The following PRKCQ variants were observed in gnomAD, a reference collection of about 807,000 sequenced individuals.
The protein encoded by PRKCQ is protein kinase C theta.
In PRKCQ, 41 loss-of-function variants were observed where a neutral mutation model predicts 91.2. That is an observed-to-expected ratio of 0.45 (90% CI 0.35 to 0.58). PRKCQ has a LOEUF of 0.58. PRKCQ is among the 20% of genes least tolerant of loss of function. PRKCQ has a pLI of 0.00. For synonymous variants in PRKCQ, 307 were observed against 316.9 expected, an observed-to-expected ratio of 0.97 and a Z score of 0.33; for missense variants, 673 against 896.5, an observed-to-expected ratio of 0.75 and a Z score of 3.18.
At position 6,498,295 on chromosome 10, in the gene PRKCQ, C is replaced by G. The variant is rs563533481; in HGVS notation, c.542+101G>C. The G allele has an allele frequency of 3.9e-5, 56 of 1,441,876 alleles. No homozygotes were observed. In the South Asian group the frequency reaches 6.4e-4, roughly 17 times the overall value. 89.3% of individuals were successfully genotyped at this position (1,441,876 alleles called of 1,614,324 possible). ...TGACAACGCTGAGGTAGCATTTACT[C>G]CAGCACACCCCCCACAGTGGAGCAT... On this transcript the variant is annotated intron_variant, in intron 5 of 17. Transcript: ENST00000263125.
At chr10:6,534,992 G>T (rs1452822824) in intron 1 of PRKCQ, among the ~76,000 whole-genome samples, 2 of 152,094 alleles carry the variant, frequency 1.3e-5, no homozygotes, top group African/African-American at 4.8e-5. Flanking sequence ...TATTCGGTTT[G>T]AAGTCCTAAC....
the PRKCQ span, among the ~76,000 whole-genome samples, chr10:6,414,863 T>C: frequency 2.0e-5 from 3 of 151,250 alleles, no homozygotes; most frequent in African/African-American, 7.3e-5. Context: ...GCCAAATATA[T>C]ATGCAATTGG....
chr10:6,579,318 G>C (rs1841361651), intron 1 of PRKCQ, among the ~76,000 whole-genome samples: 1 of 152,078 alleles, frequency 6.6e-6, no homozygotes, highest in African/African-American at 2.4e-5. Flanking sequence ...GTCCCCCTCA[G>C]CCTGTGCCAC....
intron 12 of PRKCQ, among the ~76,000 whole-genome samples, chr10:6,467,981 A>T (rs932228970): frequency 1.3e-5 from 2 of 152,182 alleles, no homozygotes; most frequent in African/African-American, 4.8e-5. Context: ...CTGAGGCTGG[A>T]GGTTCACTTG....
At chr10:6,416,727 C>G in the PRKCQ span, among the ~76,000 whole-genome samples, 3 of 152,154 alleles carry the variant, frequency 2.0e-5, no homozygotes, top group African/African-American at 7.2e-5. Context: ...TGGGTACACA[C>G]CCAGTAGTGG....
At chr10:6,428,457 T>A in intron 17 of PRKCQ, 95 bp from the exon 18 acceptor site, 1 of 1,389,958 alleles carries the variant, frequency 7.2e-7, no homozygotes, top group Non-Finnish European at 9.8e-7. Context: ...GATCTGCGTA[T>A]GGCAAAGTTG....
intron 1 of PRKCQ, among the ~76,000 whole-genome samples, chr10:6,537,093 G>GT (rs1564380472): frequency 2.0e-5 from 3 of 152,222 alleles, no homozygotes; most frequent in Admixed American, 2.0e-4. Context: ...AGTGTGGCTG[G>GT]TGGGGATGCA....
At chr10:6,399,823 A>G in the PRKCQ span, among the ~76,000 whole-genome samples, 1 of 151,680 alleles carries the variant, frequency 6.6e-6, no homozygotes. Flanking sequence ...TGTGGCCTCC[A>G]TTCCTACAGG....
At chr10:6,534,026 C>T (rs372466011) in intron 1 of PRKCQ, among the ~76,000 whole-genome samples, 1 of 152,256 alleles carries the variant, frequency 6.6e-6, no homozygotes, top group East Asian at 1.9e-4. Context: ...TTACATAAAA[C>T]TTGTGTGTTA....
At position 6,476,093 on chromosome 10, in the gene PRKCQ, T is replaced by A. The variant is rs539680283; in HGVS notation, c.1353+2899A>T. Among the ~76,000 whole-genome samples, 14 of 152,302 alleles carry A rather than the reference T, an allele frequency of 9.2e-5. No individual in the cohort carries two copies. The East Asian group carries it at 2.7e-3, about 29-fold the overall frequency. On this transcript the variant is annotated intron_variant, in intron 12 of 17. Coordinates refer to ENST00000263125, the MANE Select transcript of PRKCQ (RefSeq NM_006257.5). ...GCTAAGCATGTGGGAGTTATTTATA[T>A]CCTACTGCTCAAGGTCATCACCAAG...
the PRKCQ span, among the ~76,000 whole-genome samples, chr10:6,415,455 T>TAC: frequency 1.7e-5 from 2 of 118,694 alleles, no homozygotes; most frequent in Non-Finnish European, 3.4e-5. Context: ...TATATATATA[T>TAC]ACACTTACTC....
In PRKCQ at chr10:6,487,145, G is replaced by A. The variant is rs74112636; in HGVS notation, c.791-1001C>T. ...TACCCATGCCTCCTGAAAACCTCGT[G>A]TGATTATGGGAAGGGTAGAGGGCCC... is the stretch of plus-strand genomic sequence containing the variant. On this transcript the variant is annotated intron_variant, in intron 8 of 17. Coordinates refer to ENST00000263125, the MANE Select transcript of PRKCQ (RefSeq NM_006257.5). Among the ~76,000 whole-genome samples the A allele has an allele frequency of 4.9e-3, 747 of 152,266 alleles. 1 individual carries two copies. Among genetic ancestry groups the A allele is most frequent in the African/African-American group, 0.017 (713 of 41,548 alleles).
chr10:6,480,064 G>A (rs901271511), intron 11 of PRKCQ, among the ~76,000 whole-genome samples: 1 of 152,172 alleles, frequency 6.6e-6, no homozygotes, highest in South Asian at 2.1e-4. Context: ...CTGACACTGG[G>A]TTCAAAGGAT....
chr10:6,409,921 T>C, the PRKCQ span, among the ~76,000 whole-genome samples: 1 of 152,256 alleles, frequency 6.6e-6, no homozygotes, highest in Non-Finnish European at 1.5e-5. Context: ...TAGTTCATTA[T>C]GCCTTGGTGA....
At chr10:6,567,446 T>C (rs1365334613) in intron 1 of PRKCQ, among the ~76,000 whole-genome samples, 1 of 152,236 alleles carries the variant, frequency 6.6e-6, no homozygotes, top group East Asian at 1.9e-4. Context: ...GTGCCAAGTC[T>C]TGCACAGTAA....
At chr10:6,558,986 A>G (rs1840523700) in intron 1 of PRKCQ, among the ~76,000 whole-genome samples, 1 of 152,242 alleles carries the variant, frequency 6.6e-6, no homozygotes, top group Admixed American at 6.5e-5. Context: ...CGTTAAAAGC[A>G]GGGCAGAAGG....
the PRKCQ span, among the ~76,000 whole-genome samples, chr10:6,418,909 TCCA>T: frequency 1.3e-5 from 2 of 152,138 alleles, no homozygotes; most frequent in African/African-American, 4.8e-5. Flanking sequence ...TACTCATCCA[TCCA>T]TCTGTCCATT....
At chr10:6,425,810 A>AAAAC (rs1327226289), downstream of PRKCQ, among the ~76,000 whole-genome samples, 1 of 152,208 alleles carries the variant, frequency 6.6e-6, no homozygotes, top group Non-Finnish European at 1.5e-5. Flanking sequence ...AATAAAAAAT[A>AAAAC]AAACAAACAA....
At chr10:6,540,620 T>C (rs1048230893) in intron 1 of PRKCQ, among the ~76,000 whole-genome samples, 6 of 152,214 alleles carry the variant, frequency 3.9e-5, no homozygotes, top group Non-Finnish European at 8.8e-5. Flanking sequence ...TGCCCCATTT[T>C]GTTTGTTTGT....
Sources: gnomAD v4.1 joint callset for allele counts (sites outside exome capture counted in the v4.1 genomes callset) on GRCh38, gnomAD v4.1.1 for gene constraint, MANE v1.5 for transcripts, NCBI Gene and HGNC (gene_info 2026-07-23, HGNC 2026-07-21) for gene names.